The following MKNK1 variants were observed in gnomAD, a reference collection of about 807,000 sequenced individuals.
MKNK1 encodes the protein MAP kinase-interacting serine/threonine-protein kinase 1.
In MKNK1, 30 loss-of-function variants were observed where a neutral mutation model predicts 49.3. The ratio of observed to expected loss-of-function variants is 0.61; its 90% confidence interval spans 0.46 to 0.83. MKNK1 has a LOEUF of 0.83. Among genes scored for constraint, MKNK1 ranks in the 40% least tolerant of loss-of-function variants. MKNK1 has a pLI of 0.00. For synonymous variants in MKNK1, 176 were observed against 201.7 expected (o/e 0.87, Z 1.08); for missense variants, 423 against 524.7 (o/e 0.81, Z 1.89).
At chr1:46,583,740 G>A (rs1264881742) in intron 2 of MKNK1, among the ~76,000 whole-genome samples, 1 of 152,172 alleles carries the variant, frequency 6.6e-6, no homozygotes, top group East Asian at 1.9e-4. Context: ...CAAGAAGGGG[G>A]TTGGGAGTGG....
At chr1:46,558,906 G>A in intron 12 of MKNK1, 106 bp from the exon 13 acceptor site, 1 of 944,858 alleles carries the variant, frequency 1.1e-6, no homozygotes, top group Non-Finnish European at 1.6e-6. Context: ...GCTCCCACCA[G>A]ATTTCCCAGA....
chr1:46,567,575 G>A (rs534058606), intron 8 of MKNK1, among the ~76,000 whole-genome samples: 4 of 152,248 alleles, frequency 2.6e-5, no homozygotes, highest in East Asian at 1.9e-4. Flanking sequence ...TTATTTGAGC[G>A]AATCCATTAT....
At chr1:46,598,574 C>T (rs1674362463) in intron 1 of MKNK1, among the ~76,000 whole-genome samples, 1 of 152,216 alleles carries the variant, frequency 6.6e-6, no homozygotes, top group Non-Finnish European at 1.5e-5. Flanking sequence ...TTAAAGCTCA[C>T]ATTCATTGAG....
chr1:46,572,083 A>C lies in MKNK1; in HGVS notation c.437T>G (p.Leu146Arg). ...TTCACCTTTGGTATGCAGGAAGTCA[A>C]GGGCAGCAGCAACGTCCCGCACCAC... Reference protein sequence around the residue: ...SRVVRDVAAALDFLHTKGIAH... With the variant: ...SRVVRDVAAARDFLHTKGIAH... The change falls in exon 7 of 13, where the codon CTT (leucine) becomes CGT (arginine). Residue 146 changes from leucine (L) to arginine (R), a missense_variant. Transcript: ENST00000371945. 6.2e-7 allele frequency: 1 copy of C among 1,614,068 alleles called. No individual in the cohort carries two copies. The highest frequency in any genetic ancestry group is 8.5e-7 in the Non-Finnish European group (1 of 1,179,944).
intron 1 of MKNK1, among the ~76,000 whole-genome samples, chr1:46,599,979 C>T (rs1674531556): frequency 6.6e-6 from 1 of 152,094 alleles, no homozygotes; most frequent in Admixed American, 6.6e-5. Flanking sequence ...CTCACCAACT[C>T]CTCTCCCCTC....
At chr1:46,575,916 C>A (rs530644268) in intron 5 of MKNK1, 1 of 151,780 alleles carries the variant, frequency 6.6e-6, no homozygotes, top group African/African-American at 2.4e-5. Flanking sequence ...CAACAGCAGC[C>A]CCCGTCCTCC....
Position 46,568,498 on chromosome 1 carries a change from C to A in MKNK1, c.458G>T (p.Gly153Val), listed in dbSNP as rs536182693. Residue 153 changes from glycine to valine, a missense_variant and splice_region_variant, in exon 8 of 13, where the codon GGC (glycine) becomes GTC (valine). Gly to Val is a moderately radical substitution (Grantham distance 109). Coordinates refer to ENST00000371945, the MANE Select transcript of MKNK1 (RefSeq NM_001135553.4). ...AAALDFLHTK[G>V]IAHRDLKPEN... ...TGGTTTCAGATCACGATGAGCAATGCCTGACATGACAAAGAGCAAAAAAAT... is the reference window on the plus strand; with the variant it reads ...TGGTTTCAGATCACGATGAGCAATGACTGACATGACAAAGAGCAAAAAAAT... 4.3e-6 allele frequency: 7 copies of A among 1,613,830 alleles called. No homozygotes were observed. The African/African-American group carries it at 9.3e-5, about 22-fold the overall frequency.
intron 1 of MKNK1, among the ~76,000 whole-genome samples, chr1:46,597,300 C>CAAAA (rs11312871): frequency 3.8e-5 from 5 of 130,730 alleles, no homozygotes; most frequent in East Asian, 4.5e-4. Context: ...CGTTTTAGAG[C>CAAAA]AAAAAAAAAA....
At chr1:46,580,787 C>T (rs1037906217) in intron 3 of MKNK1, among the ~76,000 whole-genome samples, 160 bp from the exon 4 acceptor site, 38 of 141,838 alleles carry the variant, frequency 2.7e-4, no homozygotes, top group Admixed American at 1.9e-3. Flanking sequence ...TCCCAGCCAC[C>T]TGAGGACCCA....
At chr1:46,560,166 G>C in intron 12 of MKNK1, 68 bp downstream of exon 12, 1 of 1,568,164 alleles carries the variant, frequency 6.4e-7, no homozygotes, top group Non-Finnish European at 8.8e-7. Context: ...GGGCTCCCCC[G>C]GCCCCCACCC....
intron 5 of MKNK1, chr1:46,575,868 T>C: frequency 6.6e-6 from 1 of 152,236 alleles, no homozygotes; most frequent in African/African-American, 2.4e-5. Context: ...ATGGCCTAAT[T>C]TGAAAGAAGA....
intron 8 of MKNK1, chr1:46,565,501 C>A: frequency 3.5e-6 from 1 of 286,462 alleles, no homozygotes; most frequent in Non-Finnish European, 6.8e-6. Context: ...GCAGCCCATT[C>A]AGTGGAGTGT....
intron 7 of MKNK1, chr1:46,571,441 C>T (rs1670110668): frequency 3.2e-6 from 1 of 317,098 alleles, no homozygotes; most frequent in Non-Finnish European, 6.2e-6. Flanking sequence ...ACTTGGGAGG[C>T]TGAGGTGGGA....
At chr1:46,569,265 G>C (rs1002501457) in intron 7 of MKNK1, 1 of 152,254 alleles carries the variant, frequency 6.6e-6, no homozygotes, top group African/African-American at 2.4e-5. Flanking sequence ...CTGCACTTTG[G>C]CCAGGCCTCC....
chr1:46,568,519 A>C (rs377585512), intron 7 of MKNK1, 21 bp from the exon 8 acceptor site: 50 of 1,611,134 alleles, frequency 3.1e-5, no homozygotes, highest in African/African-American at 4.0e-5. Context: ...AAAGAGCAAA[A>C]AAATGGTTAA....
In MKNK1 at chr1:46,589,478, C is replaced by T. The variant is rs564484879; in HGVS notation, c.-3+4635G>A. ...GACATTAGCTCACAAGCAGTCTCAT[C>T]GTCATCGATGATAATAAATGTCTCC... On this transcript the variant is annotated intron_variant, in intron 2 of 12. Coordinates refer to ENST00000371945, the MANE Select transcript of MKNK1 (RefSeq NM_001135553.4). The surrounding 1 kb of genome is among the most constrained non-coding windows in gnomAD (Gnocchi z 4.3). Among the ~76,000 whole-genome samples, 147 of 152,318 alleles carry T rather than the reference C, an allele frequency of 9.7e-4. 1 individual carries two copies. Among genetic ancestry groups the T allele is most frequent in the African/African-American group, 3.3e-3 (136 of 41,568 alleles).
chr1:46,559,050 A>G (rs1667459840), intron 12 of MKNK1, among the ~76,000 whole-genome samples: 1 of 152,150 alleles, frequency 6.6e-6, no homozygotes, highest in Non-Finnish European at 1.5e-5. Context: ...TTCTCCTCAG[A>G]GCACCCTCCT....
intron 6 of MKNK1, 41 bp from the exon 7 acceptor site, chr1:46,572,208 T>A (rs1346975259): frequency 1.3e-6 from 2 of 1,560,340 alleles, no homozygotes; most frequent in African/African-American, 2.7e-5. Context: ...CTTTTTGGGC[T>A]CTAGTAAGTA....
At chr1:46,575,818 G>A (rs1670869220) in intron 5 of MKNK1, 1 of 152,196 alleles carries the variant, frequency 6.6e-6, no homozygotes, top group Admixed American at 6.5e-5. Flanking sequence ...GAGATATGAG[G>A]CTTTTACTAG....
Sources: gnomAD v4.1 joint callset for allele counts (sites outside exome capture counted in the v4.1 genomes callset) on GRCh38, gnomAD v4.1.1 for gene constraint, Gnocchi (gnomAD v3.1) non-coding constraint, MANE v1.5 for transcripts, NCBI Gene and HGNC (gene_info 2026-07-23, HGNC 2026-07-21) for gene names.